Variants in SAMMSON observed in about 807,000 individuals in gnomAD.
SAMMSON encodes the protein survival associated mitochondrial melanoma specific oncogenic non-coding RNA.
chr3:70,321,585 G>T (rs372193029), intron 7 of SAMMSON, among the ~76,000 whole-genome samples: 7 of 151,632 alleles, frequency 4.6e-5, no homozygotes, highest in East Asian at 1.9e-4. Context: ...TATGGTTTTC[G>T]TATTTTCAAA....
chr3:70,061,829 A>G (rs2067191630), intron 3 of SAMMSON, among the ~76,000 whole-genome samples: 1 of 152,072 alleles, frequency 6.6e-6, no homozygotes, highest in African/African-American at 2.4e-5. Flanking sequence ...GTAGATATGC[A>G]CAGGTCTCTT....
intron 6 of SAMMSON, among the ~76,000 whole-genome samples, chr3:70,290,378 CA>C (rs1399514052): frequency 1.3e-5 from 2 of 152,186 alleles, no homozygotes. Flanking sequence ...GCTCGGGGGC[CA>C]GGGGTCAGGG....
chr3:70,191,692 T>G (rs969101883), intron 4 of SAMMSON, among the ~76,000 whole-genome samples: 2 of 152,172 alleles, frequency 1.3e-5, no homozygotes, highest in Non-Finnish European at 2.9e-5. Flanking sequence ...CCATAGTATT[T>G]TTCTGAATGC....
At chr3:70,203,235 T>C (rs919095134) in intron 4 of SAMMSON, among the ~76,000 whole-genome samples, 2 of 152,122 alleles carry the variant, frequency 1.3e-5, no homozygotes, top group Non-Finnish European at 2.9e-5. Flanking sequence ...TACATTAATA[T>C]GTTATCACAG....
At chr3:70,278,167 A>G (rs1006060161) in intron 6 of SAMMSON, among the ~76,000 whole-genome samples, 4 of 152,142 alleles carry the variant, frequency 2.6e-5, no homozygotes, top group African/African-American at 9.7e-5. Context: ...GTTCTTATAT[A>G]AATGGGCTCA....
intron 7 of SAMMSON, among the ~76,000 whole-genome samples, chr3:70,307,381 A>G (rs749050960): frequency 1.3e-5 from 2 of 152,154 alleles, no homozygotes; most frequent in African/African-American, 2.4e-5. Flanking sequence ...AAGGGCTTCC[A>G]TCCCTTCATC....
intron 7 of SAMMSON, among the ~76,000 whole-genome samples, chr3:70,337,079 ATAT>A (rs1225631916): frequency 2.3e-5 from 1 of 42,858 alleles, no homozygotes; most frequent in African/African-American, 7.4e-5. Flanking sequence ...ATCTAACTTA[ATAT>A]TCTTATTAAT....
downstream of SAMMSON, among the ~76,000 whole-genome samples, chr3:70,394,643 T>A (rs1700177043): frequency 6.6e-6 from 1 of 152,194 alleles, no homozygotes; most frequent in South Asian, 2.1e-4. Flanking sequence ...TTATTGCCAC[T>A]GAACTGTACG....
intron 4 of SAMMSON, among the ~76,000 whole-genome samples, chr3:70,209,514 T>C (rs1701321878): frequency 6.6e-6 from 1 of 152,014 alleles, no homozygotes; most frequent in South Asian, 2.1e-4. Context: ...AGATGGGAAA[T>C]GTATGAATGG....
At chr3:70,335,545 G>T (rs887507798) in intron 7 of SAMMSON, among the ~76,000 whole-genome samples, 10 of 151,900 alleles carry the variant, frequency 6.6e-5, no homozygotes, top group African/African-American at 1.9e-4. Flanking sequence ...AACTAAAGTA[G>T]CTGCTTTGAA....
rs546197490 is a variant in SAMMSON, at chr3:70,098,513, G to A, written n.507+26948G>A. Among the ~76,000 whole-genome samples the A allele has an allele frequency of 4.6e-5, 7 of 152,068 alleles. 1 individual carries two copies. The South Asian group carries it at 1.5e-3, about 32-fold the overall frequency. ...CTCCCGAGTAGTTGGGAGTATAGGT[G>A]CCTGCCACTACGCCTGGCTAATTTA... is the stretch of plus-strand genomic sequence containing the variant. On this transcript the variant is annotated intron_variant and non_coding_transcript_variant, in intron 4 of 9. Transcript: ENST00000642114.
chr3:70,408,916 G>A (rs150303960), intron 2 of SAMMSON, among the ~76,000 whole-genome samples: 2 of 152,238 alleles, frequency 1.3e-5, no homozygotes, highest in African/African-American at 4.8e-5. Context: ...ACCTGGCTGG[G>A]GAAGCCTCAG....
At position 70,276,754 on chromosome 3, in the gene SAMMSON, C is replaced by T. The variant is rs1363642780; in HGVS notation, n.675-14425C>T. On this transcript the variant is annotated intron_variant and non_coding_transcript_variant, in intron 6 of 9. Transcript: ENST00000642114. ...TTTATGTATTATCTGTGTTTTCACACTATAATGGCAGAATTGAATAGTTGT... is the reference window on the plus strand; with the variant it reads ...TTTATGTATTATCTGTGTTTTCACATTATAATGGCAGAATTGAATAGTTGT... Among the ~76,000 whole-genome samples, 3 of 152,182 alleles carry T rather than the reference C, an allele frequency of 2.0e-5. No homozygotes were observed. In the East Asian group the frequency reaches 5.8e-4, roughly 29 times the overall value.
At chr3:70,346,904 G>T (rs1702755827) in intron 7 of SAMMSON, among the ~76,000 whole-genome samples, 1 of 152,112 alleles carries the variant, frequency 6.6e-6, no homozygotes, top group African/African-American at 2.4e-5. Context: ...TTAGCTTCGA[G>T]CTGTTGACTC....
rs1243964289 is a variant in SAMMSON, at chr3:70,315,820, A to G, written n.739+24577A>G. ...CCACAGAGACCCAACCAAACGCTCA[A>G]AAGTGACAAGCCAGCCTAGGACATC... On this transcript the variant is annotated intron_variant and non_coding_transcript_variant, in intron 7 of 9. Transcript: ENST00000642114. Among the ~76,000 whole-genome samples the G allele has an allele frequency of 2.6e-5, 4 of 152,144 alleles. No homozygotes were observed. The East Asian group carries it at 7.7e-4, about 29-fold the overall frequency.
intron 4 of SAMMSON, among the ~76,000 whole-genome samples, chr3:70,151,448 T>C (rs1461897754): frequency 2.0e-5 from 3 of 152,068 alleles, no homozygotes; most frequent in African/African-American, 7.2e-5. Context: ...CAACTGGATT[T>C]CTGTTGATTT....
At chr3:70,115,244 C>T (rs2067406059) in intron 4 of SAMMSON, among the ~76,000 whole-genome samples, 1 of 147,924 alleles carries the variant, frequency 6.8e-6, no homozygotes. Context: ...AGAAAAAAAG[C>T]AGAAGACTAG....
chr3:70,333,086 T>A (rs1364863849), intron 7 of SAMMSON, among the ~76,000 whole-genome samples: 2 of 152,196 alleles, frequency 1.3e-5, no homozygotes, highest in Non-Finnish European at 2.9e-5. Context: ...ATGTTCTGTC[T>A]TTTTAGAATT....
intron 6 of SAMMSON, among the ~76,000 whole-genome samples, chr3:70,273,293 C>G (rs1305638412): frequency 2.0e-5 from 3 of 152,242 alleles, no homozygotes; most frequent in Non-Finnish European, 4.4e-5. Flanking sequence ...AACAATTTCT[C>G]TGAAGACTAC....
Sources: gnomAD v4.1 joint callset for allele counts (sites outside exome capture counted in the v4.1 genomes callset) on GRCh38, gnomAD v4.1.1 for gene constraint, MANE v1.5 for transcripts, NCBI Gene and HGNC (gene_info 2026-07-23, HGNC 2026-07-21) for gene names.